Variants in ACAP1 observed in about 807,000 individuals in gnomAD.
ACAP1 encodes arf-GAP with coiled-coil, ANK repeat and PH domain-containing protein 1.
In ACAP1, 45 loss-of-function variants were observed where a neutral mutation model predicts 98.8. The ratio of observed to expected loss-of-function variants is 0.46; its 90% CI spans 0.36 to 0.58. The LOEUF (loss-of-function observed/expected upper bound fraction) is 0.58. Ranked by LOEUF, ACAP1 falls within the 20% of genes least tolerant of loss-of-function variation. ACAP1 has a pLI of 0.00. For missense variants in ACAP1, 735 were observed against 971.4 expected (o/e 0.76, Z 3.24); for synonymous variants, 362 against 375.3 (o/e 0.96, Z 0.41).
rs762660341 is a variant in ACAP1 at position 7,349,187 on chromosome 17, C to G, written c.1851+20C>G. The G allele has an allele frequency of 3.1e-6, 5 of 1,612,798 alleles. No individual in the cohort carries two copies. Among genetic ancestry groups the G allele is most frequent in the Non-Finnish European group, 4.2e-6 (5 of 1,179,470 alleles). On this transcript the variant is annotated intron_variant, in intron 18 of 21. Transcript: ENST00000158762. ...GCTGCTGTAAGAGCCCTGCTGACCT[C>G]TCCACCCCACCCTAGGGCTCTGACA...
intron 18 of ACAP1, 42 bp downstream of exon 18, chr17:7,349,209 G>A: frequency 6.2e-7 from 1 of 1,606,136 alleles, no homozygotes; most frequent in Non-Finnish European, 8.5e-7. Context: ...CTAGGGCTCT[G>A]ACACCTACTC....
Position 7,336,574 on chromosome 17 carries a change from C to T in ACAP1, c.-161C>T. On this transcript the variant is annotated 5_prime_UTR_variant, in exon 1 of 22. Coordinates refer to ENST00000158762, the MANE Select transcript of ACAP1 (RefSeq NM_014716.4). ...GGTGAGAGCTCCTCCTAGGACACCC[C>T]TTTCCCCTTGGGGAAAGAATTGTGC... 1 of 720,832 alleles carries T rather than the reference C, an allele frequency of 1.4e-6. No individual in the cohort carries two copies. Among genetic ancestry groups the T allele is most frequent in the Admixed American group, 2.1e-5 (1 of 46,684 alleles). 44.7% of individuals were successfully genotyped at this position (720,832 alleles called of 1,614,324 possible). A position where few individuals can be genotyped will look rare whatever the true frequency, so the allele number is the denominator to read the frequency against.
chr17:7,340,880 T>C (rs898379542), intron 2 of ACAP1, among the ~76,000 whole-genome samples: 7 of 152,060 alleles, frequency 4.6e-5, no homozygotes, highest in Non-Finnish European at 1.0e-4. Context: ...GGGGTTTCAC[T>C]ATGTTGGTCA....
At position 7,348,406 on chromosome 17, in the gene ACAP1, AG is replaced by A. The variant is rs774869688; in HGVS notation, c.1614del (p.Gln539SerfsTer17). ...RGRRGGRGRP[R>X]GQPPVPPKPS... is the part of the protein sequence containing the mutation. ...GCGAAGAGGTGGCCGGGGGCGCCCA[AG>A]GGGGCAGCCTCCTGTGCCCCCAAAG... On this transcript the variant is annotated frameshift_variant, in exon 17 of 22. Transcript: ENST00000158762. LOFTEE classifies it high-confidence loss of function. 1 of 1,543,736 alleles carries A rather than the reference AG, an allele frequency of 6.5e-7. No homozygotes were observed. The highest frequency in any genetic ancestry group is 8.7e-7 in the Non-Finnish European group (1 of 1,145,530).
chr17:7,346,167 T>C lies in ACAP1; in HGVS notation c.855-77T>C, dbSNP rs547436324. On this transcript the variant is annotated intron_variant, in intron 10 of 21. Coordinates refer to ENST00000158762, the MANE Select transcript of ACAP1 (RefSeq NM_014716.4). Reference sequence around the variant, plus strand: ...GTCTGTCCTCTCAGTAAGATCCTCATGGGCAAAAAGCACAGCCTCTCTTCC... The same window carrying C: ...GTCTGTCCTCTCAGTAAGATCCTCACGGGCAAAAAGCACAGCCTCTCTTCC... 13 of 1,415,318 alleles carry C rather than the reference T, an allele frequency of 9.2e-6. No individual in the cohort carries two copies. The East Asian group carries it at 2.3e-4, about 25-fold the overall frequency. The allele number at this position is 1,415,318 out of a possible 1,614,324, so 87.7% of individuals were successfully genotyped here.
intron 10 of ACAP1, chr17:7,345,851 C>T (rs555855602): frequency 3.4e-4 from 59 of 173,232 alleles, no homozygotes; most frequent in Middle Eastern, 2.9e-3. Context: ...CGGAGTTTCA[C>T]CATATTGGTC....
rs779732041 is a variant in ACAP1 at position 7,343,300 on chromosome 17, A to T, written c.345-79A>T. ...CGTTGCAGAGACTAACTGAAAGGAC[A>T]TGAGGGCTTTACCCTGGGAATGCTC... On this transcript the variant is annotated intron_variant, in intron 5 of 21. Transcript: ENST00000158762. This position sits in a 1 kb window ranked among gnomAD's most constrained non-coding sequence, Gnocchi z 4.9. The T allele has an allele frequency of 1.4e-6, 2 of 1,457,822 alleles. No homozygotes were observed. Among genetic ancestry groups the T allele is most frequent in the Non-Finnish European group, 1.9e-6 (2 of 1,070,874 alleles). The allele number at this position is 1,457,822 out of a possible 1,614,324, so 90.3% of individuals were successfully genotyped here. A position where few individuals can be genotyped will look rare whatever the true frequency, so the allele number is the denominator to read the frequency against.
At chr17:7,346,556 G>T in intron 12 of ACAP1, 65 bp downstream of exon 12, 1 of 1,434,346 alleles carries the variant, frequency 7.0e-7, no homozygotes, top group South Asian at 1.4e-5. Context: ...GAAAGGCAGG[G>T]CCCACCACAA....
chr17:7,342,561 T>C, intron 5 of ACAP1, 87 bp downstream of exon 5: 1 of 1,432,250 alleles, frequency 7.0e-7, no homozygotes. Flanking sequence ...AGCCCAGGAG[T>C]TGGACACCAA....
chr17:7,341,373 C>T (rs909786145), intron 2 of ACAP1, among the ~76,000 whole-genome samples: 7 of 152,138 alleles, frequency 4.6e-5, no homozygotes, highest in Non-Finnish European at 8.8e-5. Context: ...TCCCAAGTAG[C>T]TGGGATTACA....
At chr17:7,341,146 TTTTA>T (rs927379205) in intron 2 of ACAP1, among the ~76,000 whole-genome samples, 8 of 152,138 alleles carry the variant, frequency 5.3e-5, no homozygotes, top group African/African-American at 1.7e-4. Context: ...ATACTATAGA[TTTTA>T]TTTATTTATT....
intron 2 of ACAP1, among the ~76,000 whole-genome samples, chr17:7,338,793 C>T (rs2143015773): frequency 6.7e-6 from 1 of 148,406 alleles, no homozygotes; most frequent in South Asian, 2.2e-4. Context: ...GTAATCCTCC[C>T]ACCTCAGCCT....
rs150391564 is a variant in ACAP1, at chr17:7,343,854, C to T, written c.574-7C>T. The stretch of plus-strand genomic sequence containing the variant: ...TCAGCCTTCCCACTGCCCGCCTTGT[C>T]CCCCAGGTGCTGCGTTTGGTGGAGG... On this transcript the variant is annotated splice_region_variant and splice_polypyrimidine_tract_variant and intron_variant, in intron 7 of 21. Transcript: ENST00000158762. This position sits in a 1 kb window ranked among gnomAD's most constrained non-coding sequence, Gnocchi z 4.9. 278 of 1,613,982 alleles carry T rather than the reference C, an allele frequency of 1.7e-4. No individual in the cohort carries two copies. The African/African-American group carries it at 3.3e-3, about 19-fold the overall frequency.
rs2143015328 is a variant in ACAP1, at chr17:7,336,534, T to C, written c.-201T>C. On this transcript the variant is annotated 5_prime_UTR_variant, in exon 1 of 22. Coordinates refer to ENST00000158762, the MANE Select transcript of ACAP1 (RefSeq NM_014716.4). ...GCCCCGCCCCTGCCCCTCCCAGCACTGCCTGGAAGTGTGGGGTGAGAGCTC... is the reference window on the plus strand; with the variant it reads ...GCCCCGCCCCTGCCCCTCCCAGCACCGCCTGGAAGTGTGGGGTGAGAGCTC... 2.1e-6 allele frequency: 1 copy of C among 486,554 alleles called. No individual in the cohort carries two copies. Among genetic ancestry groups the C allele is most frequent in the Non-Finnish European group, 3.8e-6 (1 of 264,508 alleles). The allele number at this position is 486,554 out of a possible 1,614,324, so 30.1% of individuals were successfully genotyped here.
chr17:7,341,962 C>T lies in ACAP1; in HGVS notation c.126C>T (p.Gly42=). 6.2e-7 allele frequency: 1 copy of T among 1,614,160 alleles called. No homozygotes were observed. The part of the protein sequence containing the change: ...ETRLEKLLKL[G]TGLLESGRHY... The stretch of plus-strand genomic sequence containing the variant: ...TTCTTTCCCAGCTCCTGAAACTGGG[C>T]ACTGGTCTCCTGGAAAGTGGGCGCC... The change falls in exon 3 of 22, where the codon GGC becomes GGT. Residue 42 remains glycine, a synonymous_variant. Coordinates refer to ENST00000158762, the MANE Select transcript of ACAP1 (RefSeq NM_014716.4).
Position 7,350,593 on chromosome 17 carries a change from G to T in ACAP1, c.2072+356G>T. The T allele has an allele frequency of 4.7e-6, 2 of 426,060 alleles. No individual in the cohort carries two copies. Among genetic ancestry groups the T allele is most frequent in the Non-Finnish European group, 4.2e-6 (1 of 237,270 alleles). 26.4% of individuals were successfully genotyped at this position (426,060 alleles called of 1,614,324 possible). A position where few individuals can be genotyped will look rare whatever the true frequency, so the allele number is the denominator to read the frequency against. Reference sequence around the variant, plus strand: ...CCCAGCTCAAAGGATGGGAAGTTGTGGGGGAGGTGAGGATAGTCTTTTTTT... The same window carrying T: ...CCCAGCTCAAAGGATGGGAAGTTGTTGGGGAGGTGAGGATAGTCTTTTTTT... On this transcript the variant is annotated intron_variant, in intron 20 of 21. Coordinates refer to ENST00000158762, the MANE Select transcript of ACAP1 (RefSeq NM_014716.4). The surrounding 1 kb of genome is among the most constrained non-coding windows in gnomAD (Gnocchi z 4.6).
In ACAP1 at chr17:7,350,094, G is replaced by A. The variant is rs748781947; in HGVS notation, c.1962-33G>A. On this transcript the variant is annotated intron_variant, in intron 19 of 21. Coordinates refer to ENST00000158762, the MANE Select transcript of ACAP1 (RefSeq NM_014716.4). The surrounding 1 kb of genome is among the most constrained non-coding windows in gnomAD (Gnocchi z 4.6). ...ATGGGGAGGAAGGCTGGGAGAAGTT[G>A]GGCGGCCGGCTGACCCTGGCTCTTC... 4 of 1,613,212 alleles carry A rather than the reference G, an allele frequency of 2.5e-6. No individual in the cohort carries two copies. Among genetic ancestry groups the A allele is most frequent in the African/African-American group, 2.7e-5 (2 of 74,930 alleles).
chr17:7,350,511 G>C lies in ACAP1; in HGVS notation c.2072+274G>C, dbSNP rs1442219666. 1.9e-6 allele frequency: 1 copy of C among 534,706 alleles called. No homozygotes were observed. The highest frequency in any genetic ancestry group is 3.3e-6 in the Non-Finnish European group (1 of 299,586). 33.1% of individuals were successfully genotyped at this position (534,706 alleles called of 1,614,324 possible). ...ATTCGCCCATCAACATTGCTGTCAG[G>C]CATCTTTTTAGCACTAGACGTGACC... On this transcript the variant is annotated intron_variant, in intron 20 of 21. Transcript: ENST00000158762. This position sits in a 1 kb window ranked among gnomAD's most constrained non-coding sequence, Gnocchi z 4.6.
intron 14 of ACAP1, 45 bp from the exon 15 acceptor site, chr17:7,347,877 C>A (rs1053332575): frequency 5.8e-6 from 9 of 1,552,958 alleles, no homozygotes; most frequent in Non-Finnish European, 7.1e-6. Flanking sequence ...CCCCAGGCCA[C>A]TGCCCCCCTG....
Sources: gnomAD v4.1 joint callset for allele counts (sites outside exome capture counted in the v4.1 genomes callset) on GRCh38, gnomAD v4.1.1 for gene constraint, Gnocchi (gnomAD v3.1) non-coding constraint, MANE v1.5 for transcripts, NCBI Gene and HGNC (gene_info 2026-07-23, HGNC 2026-07-21) for gene names.